The following ZNF423 variants were observed in gnomAD, a reference collection of about 807,000 sequenced individuals.
ZNF423 encodes the protein zinc finger protein 423.
A neutral mutation model predicts 95.8 loss-of-function variants in ZNF423; 12 were observed. That is an observed-to-expected ratio of 0.13 (90% CI 0.08 to 0.20). ZNF423 has a LOEUF of 0.20. Ranked by LOEUF, ZNF423 falls within the 10% of genes least tolerant of loss-of-function variation. ZNF423 has a pLI of 1.00. For missense variants in ZNF423, 1,316 were observed against 1,737.1 expected, an observed-to-expected ratio of 0.76 and a Z score of 4.31; for synonymous variants, 749 against 711.9, an observed-to-expected ratio of 1.05 and a Z score of -0.83.
At chr16:49,545,524 T>C (rs1002376635) in intron 5 of ZNF423, among the ~76,000 whole-genome samples, 2 of 152,244 alleles carry the variant, frequency 1.3e-5, no homozygotes, top group Middle Eastern at 3.4e-3. Flanking sequence ...CCAGCCAGGG[T>C]GACCCCCCAC....
At chr16:49,612,606 A>C (rs538486445) in intron 5 of ZNF423, among the ~76,000 whole-genome samples, 1 of 152,138 alleles carries the variant, frequency 6.6e-6, no homozygotes, top group Non-Finnish European at 1.5e-5. Flanking sequence ...TGTCTCCCTT[A>C]AGATCAGAAA....
At chr16:49,825,432 A>C (rs146143083) in intron 1 of ZNF423, among the ~76,000 whole-genome samples, 1 of 152,028 alleles carries the variant, frequency 6.6e-6, no homozygotes, top group African/African-American at 2.4e-5. Context: ...CTTTCTCTCC[A>C]TACATATATA....
At chr16:49,787,056 C>T (rs756528323) in intron 2 of ZNF423, among the ~76,000 whole-genome samples, 4 of 152,112 alleles carry the variant, frequency 2.6e-5, no homozygotes, top group African/African-American at 7.2e-5. Flanking sequence ...GATGGCTCAG[C>T]GAGATGCTGC....
At chr16:49,815,176 C>A (rs1265661306) in intron 1 of ZNF423, among the ~76,000 whole-genome samples, 1 of 152,110 alleles carries the variant, frequency 6.6e-6, no homozygotes, top group Non-Finnish European at 1.5e-5. Flanking sequence ...AGAGGGCCTA[C>A]CTTAGTGGGA....
At chr16:49,707,566 G>A (rs1269154542) in intron 3 of ZNF423, among the ~76,000 whole-genome samples, 3 of 147,644 alleles carry the variant, frequency 2.0e-5, no homozygotes, top group Non-Finnish European at 3.0e-5. Flanking sequence ...GTAGTGAGCC[G>A]AGACCACGCC....
At chr16:49,792,646 C>A (rs1377028978) in intron 1 of ZNF423, among the ~76,000 whole-genome samples, 1 of 152,212 alleles carries the variant, frequency 6.6e-6, no homozygotes, top group East Asian at 1.9e-4. Flanking sequence ...GGCACCACCC[C>A]ACTCACATGC....
At chr16:49,684,137 G>A (rs73569299) in intron 3 of ZNF423, among the ~76,000 whole-genome samples, 4,199 of 152,242 alleles carry the variant, frequency 0.028, 94 homozygotes, top group African/African-American at 0.06. Flanking sequence ...AGGTCAGACC[G>A]TGAACTCCCT....
At chr16:49,491,739 T>C (rs1596989449) in intron 7 of ZNF423, among the ~76,000 whole-genome samples, 1 of 151,982 alleles carries the variant, frequency 6.6e-6, no homozygotes, top group Non-Finnish European at 1.5e-5. Context: ...CTCTCAGTCT[T>C]CCCCGTGGCT....
chr16:49,638,538 C>T lies in ZNF423; in HGVS notation c.638G>A (p.Arg213His), dbSNP rs1458296626. 2.5e-6 allele frequency: 4 copies of T among 1,613,564 alleles called. No homozygotes were observed. The highest frequency in any genetic ancestry group is 3.3e-5 in the Admixed American group (2 of 59,992). The change falls in exon 4 of 8, where the codon CGC becomes CAC. Residue 213 changes from arginine (R) to histidine (H), a missense_variant. This residue lies in a region of ZNF423 where 58 missense variants were observed against 116.9 expected (regional missense o/e 0.50). Coordinates refer to ENST00000563137, the MANE Select transcript of ZNF423 (RefSeq NM_001379286.1). The surrounding 1 kb of genome is among the most constrained non-coding windows in gnomAD (Gnocchi z 5.6). ...HCHECEAAFS[R>H]SDHLKIHLKT... is the part of the protein sequence containing the mutation. The stretch of plus-strand genomic sequence containing the variant: ...CAGGTGGATCTTGAGGTGGTCGCTG[C>T]GGGAGAAGGCTGCCTCGCACTCGTG...
At chr16:49,580,310 C>T (rs1215449148) in intron 5 of ZNF423, among the ~76,000 whole-genome samples, 2 of 152,096 alleles carry the variant, frequency 1.3e-5, no homozygotes, top group Non-Finnish European at 2.9e-5. Context: ...TCAGCTTGAC[C>T]AACATCCTCC....
At chr16:49,572,958 G>A (rs184092353) in intron 5 of ZNF423, among the ~76,000 whole-genome samples, 2 of 152,344 alleles carry the variant, frequency 1.3e-5, no homozygotes, top group Non-Finnish European at 2.9e-5. Context: ...ATGATATGGA[G>A]TGCATAGTAC....
chr16:49,522,136 G>A (rs1968424314), intron 7 of ZNF423, among the ~76,000 whole-genome samples: 1 of 152,242 alleles, frequency 6.6e-6, no homozygotes, highest in Non-Finnish European at 1.5e-5. Flanking sequence ...GTGGCATGGG[G>A]ATGAGGGAGG....
intron 7 of ZNF423, among the ~76,000 whole-genome samples, chr16:49,522,209 C>A (rs546571291): frequency 1.3e-5 from 2 of 152,318 alleles, no homozygotes; most frequent in Admixed American, 1.3e-4. Context: ...GTCCTTAGGG[C>A]TCCCTTCTCC....
At chr16:49,631,246 C>A (rs185213575) in intron 4 of ZNF423, among the ~76,000 whole-genome samples, 37 of 152,290 alleles carry the variant, frequency 2.4e-4, no homozygotes, top group African/African-American at 8.9e-4. Flanking sequence ...ACAGACCCAT[C>A]CCCACACGTA....
chr16:49,728,440 C>T (rs1288671011), intron 3 of ZNF423, among the ~76,000 whole-genome samples: 4 of 152,176 alleles, frequency 2.6e-5, no homozygotes, highest in African/African-American at 9.7e-5. Context: ...TTCCTAGCTC[C>T]TGCGTCCCCA....
At position 49,635,816 on chromosome 16, in the gene ZNF423, G is replaced by A. The variant is rs372366526; in HGVS notation, c.3360C>T (p.Pro1120=). 3.8e-5 allele frequency: 61 copies of A among 1,609,352 alleles called. No individual in the cohort carries two copies. The highest frequency in any genetic ancestry group is 8.4e-5 in the Admixed American group (5 of 59,324). The change falls in exon 4 of 8, where the codon CCC becomes CCT. Residue 1120 remains proline, a synonymous_variant. Transcript: ENST00000563137. This position sits in a 1 kb window ranked among gnomAD's most constrained non-coding sequence, Gnocchi z 4.8. ...GQVGGLAPPE[P]ADRPCAGLRC... ...GGAGGCCGGCACAGGGCCGGTCGGC[G>A]GGCTCGGGCGGGGCCAGGCCACCCA...
rs549408655 is a variant in ZNF423 at position 49,626,265 on chromosome 16, A to G, written c.3517-11T>C. On this transcript the variant is annotated splice_polypyrimidine_tract_variant and intron_variant, in intron 4 of 7. Transcript: ENST00000563137. ...CTGGTATGTCTTTTTCTGTTTGGAAACCAAAAATAAAAGATTTAGAGAGGC... is the reference window on the plus strand; with the variant it reads ...CTGGTATGTCTTTTTCTGTTTGGAAGCCAAAAATAAAAGATTTAGAGAGGC... 8.7e-6 allele frequency: 14 copies of G among 1,613,374 alleles called. No individual in the cohort carries two copies. In the South Asian group the frequency reaches 1.3e-4, roughly 15 times the overall value.
At chr16:49,673,342 T>C (rs756022023) in intron 3 of ZNF423, among the ~76,000 whole-genome samples, 7 of 152,170 alleles carry the variant, frequency 4.6e-5, no homozygotes, top group Admixed American at 1.3e-4. Flanking sequence ...CTGGGAAAGA[T>C]TGTTGCATAG....
intron 5 of ZNF423, among the ~76,000 whole-genome samples, chr16:49,586,625 C>T (rs1367848183): frequency 3.3e-5 from 5 of 152,226 alleles, no homozygotes; most frequent in South Asian, 2.1e-4. Context: ...CCACGCTGGG[C>T]GACCAGCTGT....
Sources: gnomAD v4.1 joint callset for allele counts (sites outside exome capture counted in the v4.1 genomes callset) on GRCh38, gnomAD v4.1.1 for gene constraint, gnomAD v4.1.1 regional missense constraint, Gnocchi (gnomAD v3.1) non-coding constraint, MANE v1.5 for transcripts, NCBI Gene and HGNC (gene_info 2026-07-23, HGNC 2026-07-21) for gene names.